The following ADAMTSL1 variants were observed in gnomAD, a reference collection of about 807,000 sequenced individuals.
The protein encoded by ADAMTSL1 is ADAMTS like 1.
Under a neutral mutation model 201.8 loss-of-function variants are expected in ADAMTSL1, and 126 were observed. The observed-to-expected ratio is 0.62, with a 90% confidence interval of 0.54 to 0.72. The LOEUF (loss-of-function observed/expected upper bound fraction) is 0.72, where lower values mean the gene tolerates loss of function less well. ADAMTSL1 is among the 30% of genes least tolerant of loss of function. The probability of loss-of-function intolerance (pLI) is 0.00; values close to 1 mark genes in which losing one functional copy is unlikely to be tolerated. For synonymous variants in ADAMTSL1, 1,121 were observed against 903.4 expected (o/e 1.24, Z -4.32); for missense variants, 2,679 against 2,277.8 (o/e 1.18, Z -3.59).
chr9:18,737,014 G>A (rs964419125), intron 15 of ADAMTSL1, among the ~76,000 whole-genome samples: 2 of 152,078 alleles, frequency 1.3e-5, no homozygotes, highest in South Asian at 2.1e-4. Context: ...TGCCTGAAAG[G>A]CCAATTAAAA....
chr9:17,932,805 A>G (rs1342045980), intron 1 of ADAMTSL1, among the ~76,000 whole-genome samples: 2 of 152,182 alleles, frequency 1.3e-5, no homozygotes, highest in African/African-American at 4.8e-5. Flanking sequence ...TGAAACAAAT[A>G]AAAGTCAATT....
intron 3 of ADAMTSL1, among the ~76,000 whole-genome samples, chr9:18,536,612 A>G (rs769195221): frequency 1.3e-5 from 2 of 152,052 alleles, no homozygotes; most frequent in South Asian, 2.1e-4. Context: ...CAAGAAGACT[A>G]TTTTCATTCC....
rs371691194 is a variant in ADAMTSL1 at position 18,066,601 on chromosome 9, G to A, written c.88-97261G>A. Among the ~76,000 whole-genome samples, 241 of 152,254 alleles carry A rather than the reference G, an allele frequency of 1.6e-3. 7 individuals carry two copies. In the South Asian group the frequency reaches 0.049, roughly 31 times the overall value. ...AAAATTGCTATTCTCATTTAGGTAT[G>A]TTGTTGAAATATTTTGTTGTTGTTT... On this transcript the variant is annotated intron_variant, in intron 1 of 29. Transcript: ENST00000680146.
rs908457762 is a variant in ADAMTSL1, at chr9:18,301,436, G to A, written c.207+137455G>A. On this transcript the variant is annotated intron_variant, in intron 2 of 29. Transcript: ENST00000680146. ...TGACCCCCAGTGGATGCCTGAAACC[G>A]CTGAGAGTATCAAATCTTTTATATA... 3.3e-5 allele frequency among the ~76,000 whole-genome samples: 5 copies of A among 152,086 alleles called. No individual in the cohort carries two copies. In the South Asian group the frequency reaches 6.2e-4, roughly 19 times the overall value.
intron 2 of ADAMTSL1, among the ~76,000 whole-genome samples, chr9:18,305,658 T>G (rs891820656): frequency 6.6e-6 from 1 of 152,204 alleles, no homozygotes; most frequent in East Asian, 1.9e-4. Flanking sequence ...CCTGTCTAGA[T>G]TCCTCCTCTC....
chr9:18,512,165 C>CT (rs1290798536), intron 2 of ADAMTSL1, among the ~76,000 whole-genome samples: 1 of 152,088 alleles, frequency 6.6e-6, no homozygotes, highest in Non-Finnish European at 1.5e-5. Flanking sequence ...CTTCCTTTTA[C>CT]TTTTTGGGTT....
At chr9:18,445,872 T>C (rs1820172727) in intron 2 of ADAMTSL1, among the ~76,000 whole-genome samples, 1 of 152,214 alleles carries the variant, frequency 6.6e-6, no homozygotes. Context: ...TATAAGGAGC[T>C]AGTAGTGACT....
intron 23 of ADAMTSL1, among the ~76,000 whole-genome samples, chr9:18,857,580 T>C (rs887067793): frequency 6.6e-6 from 1 of 152,212 alleles, no homozygotes; most frequent in African/African-American, 2.4e-5. Context: ...ATGATTTCCT[T>C]TATACCATGA....
At chr9:18,046,611 C>G (rs1821669938) in intron 1 of ADAMTSL1, among the ~76,000 whole-genome samples, 1 of 152,106 alleles carries the variant, frequency 6.6e-6, no homozygotes, top group Non-Finnish European at 1.5e-5. Context: ...GTCTCTGCCA[C>G]AGGAAATAAA....
chr9:18,054,795 A>G (rs778879074), intron 1 of ADAMTSL1, among the ~76,000 whole-genome samples: 115 of 152,236 alleles, frequency 7.6e-4, no homozygotes, highest in African/African-American at 2.7e-3. Flanking sequence ...ATATATTTCC[A>G]GATGCTTGAC....
At chr9:18,178,299 A>G (rs532943099) in intron 2 of ADAMTSL1, among the ~76,000 whole-genome samples, 212 of 152,168 alleles carry the variant, frequency 1.4e-3, no homozygotes, top group African/African-American at 5.0e-3. Flanking sequence ...ACTCCCACCC[A>G]AATACTGCGC....
rs185960532 is a variant in ADAMTSL1 at position 18,090,543 on chromosome 9, T to A, written c.88-73319T>A. ...CATTTATATGAGGTACCCAGAGTAG[T>A]AAAATTCAGAGACAGAAAAATAGAG... On this transcript the variant is annotated intron_variant, in intron 1 of 29. Coordinates refer to the ADAMTSL1 transcript ENST00000680146. Among the ~76,000 whole-genome samples the A allele has an allele frequency of 2.6e-4, 39 of 152,240 alleles. 1 individual carries two copies. In the East Asian group the frequency reaches 7.1e-3, roughly 28 times the overall value.
chr9:18,766,820 T>C (rs1820392987), intron 16 of ADAMTSL1, among the ~76,000 whole-genome samples: 1 of 152,118 alleles, frequency 6.6e-6, no homozygotes, highest in Non-Finnish European at 1.5e-5. Flanking sequence ...CCCCTAATAC[T>C]ATCACCTTGG....
intron 2 of ADAMTSL1, among the ~76,000 whole-genome samples, chr9:18,211,437 A>C (rs1405067559): frequency 6.6e-6 from 1 of 152,164 alleles, no homozygotes; most frequent in Non-Finnish European, 1.5e-5. Context: ...CTAAAACAAA[A>C]ATTTTATCTG....
chr9:18,882,570 T>C (rs1016423680), intron 23 of ADAMTSL1, among the ~76,000 whole-genome samples: 1 of 152,096 alleles, frequency 6.6e-6, no homozygotes, highest in African/African-American at 2.4e-5. Context: ...CTGACTTCTC[T>C]CCCCAAGGCC....
At chr9:18,664,187 C>T (rs1042601944) in intron 9 of ADAMTSL1, among the ~76,000 whole-genome samples, 8 of 151,956 alleles carry the variant, frequency 5.3e-5, no homozygotes, top group African/African-American at 1.9e-4. Context: ...AATGTAAGTA[C>T]GCTACTCTGA....
intron 1 of ADAMTSL1, among the ~76,000 whole-genome samples, chr9:17,975,811 A>G (rs1818423790): frequency 1.3e-5 from 2 of 152,018 alleles, no homozygotes; most frequent in South Asian, 4.2e-4. Flanking sequence ...CAATGTCATA[A>G]AGCTTTTCAC....
intron 1 of ADAMTSL1, among the ~76,000 whole-genome samples, chr9:18,123,013 A>G (rs1472523554): frequency 6.6e-6 from 1 of 152,228 alleles, no homozygotes; most frequent in Non-Finnish European, 1.5e-5. Flanking sequence ...TGCTGGGATT[A>G]TAGACATGAG....
At chr9:17,906,894 C>G (rs922403381) in exon 1 of ADAMTSL1, 1 of 152,304 alleles carries the variant, frequency 6.6e-6, no homozygotes, top group Non-Finnish European at 1.5e-5. Context: ...CTCGGTGGCA[C>G]CTGGTGCCTG....
Sources: allele counts gnomAD v4.1 joint callset (sites outside exome capture counted in the v4.1 genomes callset), GRCh38; gene constraint gnomAD v4.1.1; transcripts MANE v1.5; gene names NCBI Gene and HGNC (gene_info 2026-07-23, HGNC 2026-07-21).